Variants in FNTA observed in about 807,000 individuals in gnomAD.
FNTA encodes the protein protein farnesyltransferase/geranylgeranyltransferase type-1 subunit alpha.
FNTA carries 27 observed loss-of-function variants against 55.2 expected under a neutral mutation model. That is an observed-to-expected ratio of 0.49 (90% CI 0.36 to 0.67). The LOEUF is 0.67. Ranked by LOEUF, FNTA falls within the 30% of genes least tolerant of loss-of-function variation. The probability of loss-of-function intolerance (pLI) is 0.00; values close to 1 mark genes in which losing one functional copy is unlikely to be tolerated. For missense variants in FNTA, 422 were observed against 464.7 expected (o/e 0.91, Z 0.85); for synonymous variants, 176 against 170.7 (o/e 1.03, Z -0.24).
intron 7 of FNTA, among the ~76,000 whole-genome samples, chr8:43,084,143 G>A (rs1304495665): frequency 6.8e-6 from 1 of 147,758 alleles, no homozygotes; most frequent in Non-Finnish European, 1.5e-5. Context: ...TTTGTGTGTT[G>A]TACAGTTTAA....
At chr8:43,067,049 A>T (rs72647269) in intron 3 of FNTA, among the ~76,000 whole-genome samples, 18 of 152,266 alleles carry the variant, frequency 1.2e-4, no homozygotes, top group Admixed American at 2.0e-4. Context: ...CTAAGTTTGT[A>T]TATCAACATT....
At chr8:43,063,240 C>T in intron 2 of FNTA, 1 of 455,704 alleles carries the variant, frequency 2.2e-6, no homozygotes, top group Non-Finnish European at 4.4e-6. Context: ...ATCACCACGC[C>T]CGATTAATTT....
chr8:43,069,371 C>T (rs753553977), intron 3 of FNTA, among the ~76,000 whole-genome samples, 184 bp from the exon 4 acceptor site: 37 of 152,110 alleles, frequency 2.4e-4, no homozygotes, highest in Non-Finnish European at 4.4e-4. Context: ...CTGCACACCT[C>T]GGCCTCCCAA....
In FNTA at chr8:43,085,423, C is replaced by T. The variant is rs528788946; in HGVS notation, c.*141C>T. ...TATTGCTTTTTAACAAGAACTGATG[C>T]TCCTTGGGTGCTGCTGCTACTCAGA... On this transcript the variant is annotated 3_prime_UTR_variant, in exon 9 of 9. Transcript: ENST00000302279. 3 of 719,426 alleles carry T rather than the reference C, an allele frequency of 4.2e-6. No homozygotes were observed. The highest frequency in any genetic ancestry group is 6.9e-6 in the Non-Finnish European group (3 of 432,292). 44.6% of individuals were successfully genotyped at this position (719,426 alleles called of 1,614,324 possible). A position where few individuals can be genotyped will look rare whatever the true frequency, so the allele number is the denominator to read the frequency against.
At chr8:43,075,228 G>A (rs1201566686) in intron 5 of FNTA, among the ~76,000 whole-genome samples, 8 of 152,140 alleles carry the variant, frequency 5.3e-5, no homozygotes, top group African/African-American at 1.9e-4. Flanking sequence ...AACAGTGGGA[G>A]GACACCAATC....
In FNTA at chr8:43,061,724, A is replaced by AT. The variant is rs879853318; in HGVS notation, c.287-2365dup. On this transcript the variant is annotated intron_variant, in intron 2 of 8. Transcript: ENST00000302279. The stretch of plus-strand genomic sequence containing the variant: ...CGAGCATGACAATATGTTGTTTATA[A>AT]TTTTTTTTTTTTGAGATGGAGTTTC... Among the ~76,000 whole-genome samples, 64 of 147,928 alleles carry AT rather than the reference A, an allele frequency of 4.3e-4. 3 individuals carry two copies. Among genetic ancestry groups the AT allele is most frequent in the East Asian group, 1.4e-3 (7 of 5,080 alleles).
At chr8:43,069,397 A>C (rs111493442) in intron 3 of FNTA, among the ~76,000 whole-genome samples, 158 bp from the exon 4 acceptor site, 2 of 150,880 alleles carry the variant, frequency 1.3e-5, no homozygotes, top group African/African-American at 2.4e-5. Context: ...TGGGATTACA[A>C]GCATGAGCCA....
At chr8:43,067,950 A>G (rs1320512164) in intron 3 of FNTA, among the ~76,000 whole-genome samples, 1 of 152,128 alleles carries the variant, frequency 6.6e-6, no homozygotes, top group Non-Finnish European at 1.5e-5. Flanking sequence ...CCCAGGCTGG[A>G]GTGCAGTGGC....
At position 43,064,140 on chromosome 8, in the gene FNTA, G is replaced by A. The variant is rs368301964; in HGVS notation, c.326G>A (p.Arg109His). ...VYDYFRAVLQ[R>H]DERSERAFKL... is the part of the protein sequence containing the mutation. ...GATTACTTCCGAGCTGTCCTGCAGC[G>A]TGATGAAAGAAGTGAACGAGCTTTT... The change falls in exon 3 of 9, where the codon CGT (arginine) becomes CAT (histidine). Residue 109 changes from arginine (R) to histidine (H), a missense_variant. Physicochemically the swap from Arg to His is conservative, Grantham distance 29 (BLOSUM62 0). Coordinates refer to ENST00000302279, the MANE Select transcript of FNTA (RefSeq NM_002027.3). 2.3e-5 allele frequency: 37 copies of A among 1,613,896 alleles called. No individual in the cohort carries two copies. Among genetic ancestry groups the A allele is most frequent in the South Asian group, 3.3e-5 (3 of 91,082 alleles).
chr8:43,073,194 AAAAGGATAACATATTCT>A (rs1563328755), intron 5 of FNTA, among the ~76,000 whole-genome samples: 1 of 152,228 alleles, frequency 6.6e-6, no homozygotes, highest in Non-Finnish European at 1.5e-5. Context: ...AAATTTGATT[AAAAGGATAACATATTCT>A]AAAGGTATTC....
At chr8:43,059,676 C>T (rs1206709152) in intron 2 of FNTA, among the ~76,000 whole-genome samples, 4 of 151,822 alleles carry the variant, frequency 2.6e-5, no homozygotes, top group East Asian at 1.9e-4. Context: ...AATTGAAGGT[C>T]GTGGAAATGT....
chr8:43,064,310 A>G, intron 3 of FNTA, 95 bp downstream of exon 3: 1 of 791,026 alleles, frequency 1.3e-6, no homozygotes, highest in Non-Finnish European at 2.1e-6. Flanking sequence ...TTTAAACTGT[A>G]CTTTATTTTT....
chr8:43,060,981 G>A (rs1214174785), intron 2 of FNTA, among the ~76,000 whole-genome samples: 1 of 152,112 alleles, frequency 6.6e-6, no homozygotes, highest in African/African-American at 2.4e-5. Context: ...AATCCCATTG[G>A]CCAATAAAAT....
At chr8:43,057,215 A>T (rs111395831) in intron 1 of FNTA, 6,521 of 152,272 alleles carry the variant, frequency 0.043, 215 homozygotes, top group Non-Finnish European at 0.061. Flanking sequence ...ACCCAGTTCC[A>T]TCAGTTCTTT....
At chr8:43,084,927 TG>T (rs1811096869) in intron 8 of FNTA, 46 bp downstream of exon 8, 1 of 1,546,598 alleles carries the variant, frequency 6.5e-7, no homozygotes, top group South Asian at 1.1e-5. Context: ...ATCTCAGAAT[TG>T]ATCTGCCCAA....
chr8:43,072,926 T>C (rs188524895), intron 5 of FNTA, among the ~76,000 whole-genome samples: 1 of 152,344 alleles, frequency 6.6e-6, no homozygotes, highest in Admixed American at 6.5e-5. Flanking sequence ...AGGCATATTA[T>C]ACATTTTTTT....
intron 6 of FNTA, 45 bp from the exon 7 acceptor site, chr8:43,083,073 A>G (rs776393643): frequency 6.7e-6 from 8 of 1,185,994 alleles, no homozygotes; most frequent in Non-Finnish European, 9.7e-6. Flanking sequence ...GTGTCTCATC[A>G]TTGCACTGTT....
At chr8:43,070,707 A>G (rs150935187) in intron 4 of FNTA, among the ~76,000 whole-genome samples, 2 of 152,364 alleles carry the variant, frequency 1.3e-5, no homozygotes, top group African/African-American at 4.8e-5. Context: ...ATTTCTAATT[A>G]TCCGCTCTGT....
rs144005707 is a variant in FNTA at position 43,077,290 on chromosome 8, C to A, written c.708C>A (p.Val236=). Reference sequence around the variant, plus strand: ...AAGAGGATGTGAGAAATAACTCTGTCTGGAACCAAAGATACTTCGTTATTT... The same window carrying A: ...AAGAGGATGTGAGAAATAACTCTGTATGGAACCAAAGATACTTCGTTATTT... ...LLKEDVRNNS[V]WNQRYFVISN... The change falls in exon 6 of 9, where the codon GTC becomes GTA. Residue 236 remains valine, a synonymous_variant. Coordinates refer to ENST00000302279, the MANE Select transcript of FNTA (RefSeq NM_002027.3). The A allele has an allele frequency of 2.5e-6, 4 of 1,612,084 alleles. No individual in the cohort carries two copies. In the African/African-American group the frequency reaches 5.3e-5, roughly 22 times the overall value.
Sources: allele counts gnomAD v4.1 joint callset (sites outside exome capture counted in the v4.1 genomes callset), GRCh38; gene constraint gnomAD v4.1.1; transcripts MANE v1.5; gene names NCBI Gene and HGNC (gene_info 2026-07-23, HGNC 2026-07-21).